The following PNOC variants were observed in gnomAD, a reference collection of about 807,000 sequenced individuals.
The protein encoded by PNOC is prepronociceptin.
A neutral mutation model predicts 15.6 loss-of-function variants in PNOC; 10 were observed. The ratio of observed to expected loss-of-function variants is 0.64; its 90% CI spans 0.40 to 1.09. The LOEUF is 1.09. Among genes scored for constraint, PNOC ranks in the 50% least tolerant of loss-of-function variants. PNOC has a pLI of 0.01. For synonymous variants in PNOC, 98 were observed against 88.5 expected (o/e 1.11, Z -0.60); for missense variants, 220 against 223.9 (o/e 0.98, Z 0.11).
At chr8:28,327,073 C>T (rs1447992669) in intron 1 of PNOC, among the ~76,000 whole-genome samples, 2 of 152,218 alleles carry the variant, frequency 1.3e-5, no homozygotes, top group Non-Finnish European at 2.9e-5. Flanking sequence ...AAGGGAACTG[C>T]ATACAGTGAA....
chr8:28,327,428 A>G (rs1438549629), intron 1 of PNOC, among the ~76,000 whole-genome samples: 1 of 152,240 alleles, frequency 6.6e-6, no homozygotes, highest in Non-Finnish European at 1.5e-5. Context: ...CAAGTTCCAC[A>G]TGCCAGGGCC....
Position 28,339,054 on chromosome 8 carries a change from G to C in PNOC, c.141G>C (p.Glu47Asp), listed in dbSNP as rs535890859. The C allele has an allele frequency of 1.7e-5, 27 of 1,586,376 alleles. No homozygotes were observed. The South Asian group carries it at 2.8e-4, about 16-fold the overall frequency. ...DSFDLEVCIL[E>D]CEEKVFPSPL... ...TATCTTTGCAGGTGTGCATCCTCGA[G>C]TGTGAAGAGAAGGTCTTCCCCAGCC... The change falls in exon 3 of 4, where the codon GAG becomes GAC. Residue 47 changes from glutamate to aspartate, a missense_variant. Transcript: ENST00000301908.
At position 28,318,876 on chromosome 8, in the gene PNOC, C is replaced by T. The variant is rs568013815; in HGVS notation, c.-24+1560C>T. On this transcript the variant is annotated intron_variant, in intron 1 of 3. Transcript: ENST00000301908. ...TACTTACGGATTTGTAAAATGCAGG[C>T]GAGTTTGCATTGTCAGTGAAGGGAG... Among the ~76,000 whole-genome samples the T allele has an allele frequency of 3.9e-5, 6 of 152,282 alleles. No homozygotes were observed. In the South Asian group the frequency reaches 8.3e-4, roughly 21 times the overall value.
chr8:28,330,405 T>TTTTATTTTTATTTTTTA (rs1801310351), intron 2 of PNOC, among the ~76,000 whole-genome samples: 1 of 134,736 alleles, frequency 7.4e-6, no homozygotes, highest in African/African-American at 2.7e-5. Context: ...TATTTTTTTT[T>TTTTATTTTTATTTTTTA]TTTTTTTGAG....
At chr8:28,317,158 T>G (rs1403324238), upstream of PNOC, 1 of 152,538 alleles carries the variant, frequency 6.6e-6, no homozygotes, top group Non-Finnish European at 1.5e-5. Context: ...GGTTCTGCTG[T>G]TTGGTTGCTG....
At chr8:28,318,205 C>G (rs980501966) in intron 1 of PNOC, among the ~76,000 whole-genome samples, 3 of 152,148 alleles carry the variant, frequency 2.0e-5, no homozygotes, top group African/African-American at 7.2e-5. Context: ...GCTTCACTAC[C>G]CAGCCCCTCC....
Position 28,329,092 on chromosome 8 carries a change from C to T in PNOC, c.-23-43C>T, listed in dbSNP as rs1357942290. The T allele has an allele frequency of 1.5e-5, 24 of 1,596,912 alleles. No individual in the cohort carries two copies. The Admixed American group carries it at 2.3e-4, about 16-fold the overall frequency. On this transcript the variant is annotated intron_variant, in intron 1 of 3. Coordinates refer to ENST00000301908, the MANE Select transcript of PNOC (RefSeq NM_006228.5). ...AGGTCTCTGGCCCTGAGCAGCCCTC[C>T]GAGAATGGCTGTACTCATTGCCATG...
chr8:28,321,505 G>A lies in PNOC; in HGVS notation c.-24+4189G>A, dbSNP rs567631136. Among the ~76,000 whole-genome samples the A allele has an allele frequency of 6.6e-5, 10 of 152,036 alleles. No homozygotes were observed. The South Asian group carries it at 1.2e-3, about 19-fold the overall frequency. On this transcript the variant is annotated intron_variant, in intron 1 of 3. Transcript: ENST00000301908. ...TTCTATGGCTTTCCTCATGCTGCCC[G>A]GAAGCTACTTCCCCATAAAGCCTTC... is the stretch of plus-strand genomic sequence containing the variant.
chr8:28,330,893 A>G (rs1380898579), intron 2 of PNOC, among the ~76,000 whole-genome samples: 3 of 152,194 alleles, frequency 2.0e-5, no homozygotes, highest in African/African-American at 7.2e-5. Flanking sequence ...AATCCAGTAT[A>G]GCTCAATTGT....
intron 1 of PNOC, among the ~76,000 whole-genome samples, chr8:28,320,407 T>C (rs995743482): frequency 2.6e-5 from 4 of 152,192 alleles, no homozygotes; most frequent in African/African-American, 4.8e-5. Context: ...GAGCGCTGGC[T>C]TCCTCCAAAC....
chr8:28,322,345 T>C (rs775168675), intron 1 of PNOC, among the ~76,000 whole-genome samples: 2 of 152,104 alleles, frequency 1.3e-5, no homozygotes, highest in East Asian at 1.9e-4. Context: ...TAAGCCAAGA[T>C]AGCGCCACTG....
chr8:28,336,018 C>T (rs1801406221), intron 2 of PNOC, among the ~76,000 whole-genome samples: 1 of 72,566 alleles, frequency 1.4e-5, no homozygotes, highest in South Asian at 4.4e-4. Flanking sequence ...CAGGAGCTGC[C>T]TGCAACAGTG....
intron 2 of PNOC, among the ~76,000 whole-genome samples, chr8:28,338,199 G>C (rs1192681616): frequency 1.3e-5 from 2 of 152,170 alleles, no homozygotes; most frequent in Admixed American, 1.3e-4. Flanking sequence ...AAGAAAAGCT[G>C]GGGGCAGAGG....
At chr8:28,342,070 C>T (rs945465180) in intron 3 of PNOC, among the ~76,000 whole-genome samples, 6 of 152,150 alleles carry the variant, frequency 3.9e-5, no homozygotes, top group Non-Finnish European at 7.4e-5. Flanking sequence ...CAGGGCCGGG[C>T]GCGGTAGCTC....
intron 2 of PNOC, among the ~76,000 whole-genome samples, chr8:28,333,711 C>A (rs1333627430): frequency 1.3e-5 from 2 of 152,078 alleles, no homozygotes; most frequent in East Asian, 1.9e-4. Flanking sequence ...GCTTGGAAAC[C>A]CAGGGGCTCA....
At chr8:28,325,672 G>GAAAAAAAAAAAAAAAAAAA (rs558412916) in intron 1 of PNOC, among the ~76,000 whole-genome samples, 1 of 94,482 alleles carries the variant, frequency 1.1e-5, no homozygotes, top group Non-Finnish European at 2.5e-5. Context: ...AAAAGAAAAA[G>GAAAAAAAAAAAAAAAAAAA]AAAAAAAAAA....
intron 1 of PNOC, among the ~76,000 whole-genome samples, chr8:28,326,983 C>A (rs75834960): frequency 1.3e-5 from 2 of 152,150 alleles, no homozygotes; most frequent in Non-Finnish European, 2.9e-5. Context: ...GTACCAAGAC[C>A]TTCTACAGTT....
chr8:28,341,384 ATTTC>A (rs748802767), intron 3 of PNOC, among the ~76,000 whole-genome samples: 12 of 152,184 alleles, frequency 7.9e-5, no homozygotes, highest in Admixed American at 3.9e-4. Flanking sequence ...CAAGCCTCCT[ATTTC>A]TTTCTAACAC....
In PNOC at chr8:28,324,203, C is replaced by T. The variant is rs764260734; in HGVS notation, c.-23-4932C>T. On this transcript the variant is annotated intron_variant, in intron 1 of 3. Transcript: ENST00000301908. Reference sequence around the variant, plus strand: ...AGACTATCAAATGGAACATGTACTACGTGTCCCAGAAGCTCATCTTCCTTT... The same window carrying T: ...AGACTATCAAATGGAACATGTACTATGTGTCCCAGAAGCTCATCTTCCTTT... 2.6e-5 allele frequency among the ~76,000 whole-genome samples: 4 copies of T among 152,328 alleles called. No individual in the cohort carries two copies. The East Asian group carries it at 5.8e-4, about 22-fold the overall frequency.
Sources: gnomAD v4.1 joint callset for allele counts (sites outside exome capture counted in the v4.1 genomes callset) on GRCh38, gnomAD v4.1.1 for gene constraint, MANE v1.5 for transcripts, NCBI Gene and HGNC (gene_info 2026-07-23, HGNC 2026-07-21) for gene names.